Variants in LHFPL3 observed in about 807,000 individuals in gnomAD.
LHFPL3 encodes the protein LHFPL tetraspan subfamily member 3 protein.
LHFPL3 carries 5 observed loss-of-function variants against 19.3 expected under a neutral mutation model. That is an observed-to-expected ratio of 0.26 (90% CI 0.14 to 0.54). LHFPL3 has a LOEUF of 0.54. Among genes scored for constraint, LHFPL3 ranks in the 20% least tolerant of loss-of-function variants. LHFPL3 has a pLI of 0.94. For missense variants in LHFPL3, 249 were observed against 307.4 expected (o/e 0.81, Z 1.42); for synonymous variants, 133 against 126.2 (o/e 1.05, Z -0.36).
chr7:104,483,963 A>G (rs1253067021), intron 1 of LHFPL3, among the ~76,000 whole-genome samples: 3 of 152,212 alleles, frequency 2.0e-5, no homozygotes, highest in African/African-American at 7.2e-5. Context: ...CAAGTTATAT[A>G]AGATTCAAGT....
intron 2 of LHFPL3, among the ~76,000 whole-genome samples, chr7:104,894,276 T>C (rs1752157859): frequency 1.3e-5 from 2 of 152,232 alleles, no homozygotes; most frequent in African/African-American, 4.8e-5. Context: ...TTGCATAACA[T>C]AATGCACATA....
At chr7:104,594,699 C>T (rs1790803973) in intron 1 of LHFPL3, among the ~76,000 whole-genome samples, 1 of 152,202 alleles carries the variant, frequency 6.6e-6, no homozygotes, top group African/African-American at 2.4e-5. Flanking sequence ...TTGGTCTTTT[C>T]ACATAGTCCA....
intron 1 of LHFPL3, among the ~76,000 whole-genome samples, chr7:104,514,387 C>T (rs1213618168): frequency 6.6e-6 from 1 of 152,188 alleles, no homozygotes; most frequent in Non-Finnish European, 1.5e-5. Context: ...ATCTATCTCT[C>T]CCACTGGACT....
chr7:104,547,782 T>A (rs1794600058), intron 1 of LHFPL3, among the ~76,000 whole-genome samples: 1 of 152,008 alleles, frequency 6.6e-6, no homozygotes, highest in Non-Finnish European at 1.5e-5. Context: ...CTCTTCCAAG[T>A]TTTAGGGACC....
intron 2 of LHFPL3, among the ~76,000 whole-genome samples, chr7:104,886,466 G>A (rs1477816572): frequency 6.6e-6 from 1 of 152,160 alleles, no homozygotes; most frequent in African/African-American, 2.4e-5. Context: ...CTGGGTTCAA[G>A]CAATTCTCCT....
At chr7:104,674,778 T>C (rs1792560177) in intron 1 of LHFPL3, among the ~76,000 whole-genome samples, 1 of 152,216 alleles carries the variant, frequency 6.6e-6, no homozygotes, top group South Asian at 2.1e-4. Flanking sequence ...AACATCATAA[T>C]ACAATTTTAA....
intron 2 of LHFPL3, among the ~76,000 whole-genome samples, chr7:104,802,491 CAAAAAAAA>C (rs920866759): frequency 2.1e-4 from 14 of 65,510 alleles, no homozygotes; most frequent in Admixed American, 7.4e-4. Context: ...AACCCTATCT[CAAAAAAAA>C]AAAAAAAAAA....
intron 2 of LHFPL3, among the ~76,000 whole-genome samples, chr7:104,901,486 A>G (rs747612448): frequency 2.0e-5 from 3 of 152,162 alleles, no homozygotes; most frequent in Non-Finnish European, 4.4e-5. Context: ...ACGCCTTCTG[A>G]TGAGCAGCAT....
Position 104,588,058 on chromosome 7 carries a change from C to T in LHFPL3, c.446-148617C>T, listed in dbSNP as rs574147536. On this transcript the variant is annotated intron_variant, in intron 1 of 2. Transcript: ENST00000424859. ...TAGATTGTAAAAATTTTCTCCCATT[C>T]TGTAGGTTGCCTGTTCACTCTGATG... is the stretch of plus-strand genomic sequence containing the variant. 2.1e-3 allele frequency among the ~76,000 whole-genome samples: 318 copies of T among 152,258 alleles called. 1 individual carries two copies. Among genetic ancestry groups the T allele is most frequent in the Non-Finnish European group, 3.5e-3 (240 of 68,018 alleles).
At chr7:104,720,626 T>A (rs1251325811) in intron 1 of LHFPL3, among the ~76,000 whole-genome samples, 1 of 151,928 alleles carries the variant, frequency 6.6e-6, no homozygotes. Context: ...GGGAGAAAAA[T>A]TTTGCAATCT....
chr7:104,352,630 A>AT (rs773205486), intron 1 of LHFPL3, among the ~76,000 whole-genome samples: 19 of 152,168 alleles, frequency 1.2e-4, no homozygotes, highest in Non-Finnish European at 2.2e-4. Flanking sequence ...CTGACTCTGA[A>AT]TCCTGTAGTA....
At chr7:104,464,130 G>T (rs933047057) in intron 1 of LHFPL3, among the ~76,000 whole-genome samples, 1 of 152,216 alleles carries the variant, frequency 6.6e-6, no homozygotes, top group Non-Finnish European at 1.5e-5. Flanking sequence ...CATGCCCCAT[G>T]CAAGTCTGAA....
intron 2 of LHFPL3, among the ~76,000 whole-genome samples, chr7:104,896,845 G>A (rs1425354586): frequency 3.9e-5 from 6 of 152,166 alleles, no homozygotes; most frequent in African/African-American, 7.2e-5. Context: ...CAGTACTTTG[G>A]GAGGCCAAGG....
At chr7:104,754,713 GCATTGAGA>G (rs1794250616) in intron 2 of LHFPL3, among the ~76,000 whole-genome samples, 2 of 152,190 alleles carry the variant, frequency 1.3e-5, no homozygotes, top group Admixed American at 1.3e-4. Context: ...GGAACAGAAA[GCATTGAGA>G]GTAGGAAATA....
intron 1 of LHFPL3, among the ~76,000 whole-genome samples, chr7:104,346,710 A>T (rs1790073963): frequency 6.6e-6 from 1 of 152,016 alleles, no homozygotes; most frequent in East Asian, 1.9e-4. Context: ...CAAATGAAAT[A>T]ATAGAAATAC....
chr7:104,719,060 G>A (rs1185727929), intron 1 of LHFPL3, among the ~76,000 whole-genome samples: 1 of 152,148 alleles, frequency 6.6e-6, no homozygotes, highest in East Asian at 1.9e-4. Flanking sequence ...AATTACAGAT[G>A]TGTTTGTGAC....
chr7:104,758,869 A>G (rs957136971), intron 2 of LHFPL3, among the ~76,000 whole-genome samples: 3 of 152,184 alleles, frequency 2.0e-5, no homozygotes, highest in African/African-American at 7.2e-5. Flanking sequence ...AAACACAGAG[A>G]ACCAAATCCT....
intron 1 of LHFPL3, among the ~76,000 whole-genome samples, chr7:104,439,336 G>A (rs1253492958): frequency 6.6e-6 from 1 of 151,678 alleles, no homozygotes; most frequent in Non-Finnish European, 1.5e-5. Context: ...ACCAGGCAAG[G>A]ATATTACAAA....
In LHFPL3 at chr7:104,436,688, C is replaced by T. The variant is rs142795034; in HGVS notation, c.445+107464C>T. ...TCTATATGAGGAAGGGCAGCATTATCGTTAGCTGCATTTACTAAATCATGA... is the reference window on the plus strand; with the variant it reads ...TCTATATGAGGAAGGGCAGCATTATTGTTAGCTGCATTTACTAAATCATGA... On this transcript the variant is annotated intron_variant, in intron 1 of 2. Coordinates refer to ENST00000424859, the MANE Select transcript of LHFPL3 (RefSeq NM_199000.3). Among the ~76,000 whole-genome samples, 130 of 152,286 alleles carry T rather than the reference C, an allele frequency of 8.5e-4. 1 individual carries two copies. The highest frequency in any genetic ancestry group is 3.0e-3 in the African/African-American group (125 of 41,566).
Sources: gnomAD v4.1 joint callset for allele counts (sites outside exome capture counted in the v4.1 genomes callset) on GRCh38, gnomAD v4.1.1 for gene constraint, MANE v1.5 for transcripts, NCBI Gene and HGNC (gene_info 2026-07-23, HGNC 2026-07-21) for gene names.